The following IL21R variants were observed in gnomAD, a reference collection of about 807,000 sequenced individuals.
IL21R encodes interleukin 21 receptor, also known as interleukin-21 receptor.
A neutral mutation model predicts 41.3 loss-of-function variants in IL21R; 14 were observed. That is an observed-to-expected ratio of 0.34 (90% CI 0.22 to 0.53). The LOEUF is 0.53. IL21R is among the 20% of genes least tolerant of loss of function. IL21R has a pLI of 0.94. For synonymous variants in IL21R, 286 were observed against 287.6 expected (o/e 0.99, Z 0.05); for missense variants, 588 against 681.6 (o/e 0.86, Z 1.53).
rs1399026584 is a variant in IL21R at position 27,406,687 on chromosome 16, C to T, written c.-17+4069C>T. On this transcript the variant is annotated intron_variant, in intron 1 of 8. Transcript: ENST00000337929. ...CCCATAACCCACCCCTTGCCACTGGCGAAAAAAAAAAAGATGAAAAGCAAC... is the reference window on the plus strand; with the variant it reads ...CCCATAACCCACCCCTTGCCACTGGTGAAAAAAAAAAAGATGAAAAGCAAC... Among the ~76,000 whole-genome samples the T allele has an allele frequency of 4.0e-5, 6 of 149,660 alleles. No homozygotes were observed. The East Asian group carries it at 5.8e-4, about 15-fold the overall frequency.
chr16:27,442,140 G>A (rs192637994), intron 4 of IL21R, among the ~76,000 whole-genome samples: 7 of 152,118 alleles, frequency 4.6e-5, no homozygotes, highest in South Asian at 2.1e-4. Context: ...ATGTGTGTGC[G>A]TGTGCATTTG....
intron 4 of IL21R, among the ~76,000 whole-genome samples, chr16:27,442,353 CTTTTA>C (rs2087403643): frequency 1.3e-5 from 2 of 152,012 alleles, no homozygotes; most frequent in African/African-American, 4.8e-5. Flanking sequence ...ACTTTTAACT[CTTTTA>C]TTTATTTATT....
chr16:27,405,749 G>A (rs1338603438), intron 1 of IL21R, among the ~76,000 whole-genome samples: 1 of 151,110 alleles, frequency 6.6e-6, no homozygotes, highest in Non-Finnish European at 1.5e-5. Flanking sequence ...CCTGGCCCCA[G>A]GCCAAAGGGA....
chr16:27,434,153 C>G (rs928594884), intron 2 of IL21R, among the ~76,000 whole-genome samples, 194 bp from the exon 3 acceptor site: 1 of 145,870 alleles, frequency 6.9e-6, no homozygotes, highest in Admixed American at 6.8e-5. Flanking sequence ...CATTGGTGCT[C>G]AAACAAGGAA....
Position 27,451,323 on chromosome 16 carries a change from C to T in IL21R, c.*2040C>T. On this transcript the variant is annotated 3_prime_UTR_variant, in exon 9 of 9. Transcript: ENST00000337929. ...GGGGAACACAGATGGTTGGGGAAGG[C>T]CTGAGGCCAGATTGGGGGACTCTGG... 1 of 227,882 alleles carries T rather than the reference C, an allele frequency of 4.4e-6. No homozygotes were observed. The highest frequency in any genetic ancestry group is 8.7e-6 in the Non-Finnish European group (1 of 114,668). The allele number at this position is 227,882 out of a possible 1,614,324, so 14.1% of individuals were successfully genotyped here. A position where few individuals can be genotyped will look rare whatever the true frequency, so the allele number is the denominator to read the frequency against.
At chr16:27,430,846 C>CA (rs1314543019) in intron 2 of IL21R, among the ~76,000 whole-genome samples, 17 of 152,048 alleles carry the variant, frequency 1.1e-4, no homozygotes, top group Non-Finnish European at 1.9e-4. Flanking sequence ...AATAAACAAA[C>CA]AAAAAAATCG....
At chr16:27,445,823 G>A (rs1373053729) in intron 7 of IL21R, among the ~76,000 whole-genome samples, 184 bp from the exon 8 acceptor site, 2 of 152,180 alleles carry the variant, frequency 1.3e-5, no homozygotes, top group African/African-American at 4.8e-5. Flanking sequence ...AGGAGCCTGT[G>A]AGGGAGACTT....
intron 1 of IL21R, among the ~76,000 whole-genome samples, chr16:27,409,322 CT>C (rs2086793421): frequency 6.7e-6 from 1 of 148,406 alleles, no homozygotes; most frequent in African/African-American, 2.5e-5. Flanking sequence ...CTTTCAGTTT[CT>C]TTTCCATTCT....
At chr16:27,439,529 C>T (rs952820429) in intron 4 of IL21R, among the ~76,000 whole-genome samples, 22 of 151,796 alleles carry the variant, frequency 1.4e-4, no homozygotes, top group African/African-American at 4.8e-4. Flanking sequence ...TGTGCACACA[C>T]GCACATATAC....
intron 4 of IL21R, among the ~76,000 whole-genome samples, chr16:27,438,402 G>T (rs555758537): frequency 3.3e-5 from 5 of 152,278 alleles, no homozygotes; most frequent in Admixed American, 6.5e-5. Flanking sequence ...GGCCTGGTTG[G>T]TGGGAGCAGT....
chr16:27,438,588 C>T (rs1233931072), intron 4 of IL21R, among the ~76,000 whole-genome samples: 1 of 152,132 alleles, frequency 6.6e-6, no homozygotes, highest in Non-Finnish European at 1.5e-5. Context: ...AGGGCAGGGG[C>T]CAGGCACTGT....
At chr16:27,415,769 C>T (rs62032068) in intron 1 of IL21R, among the ~76,000 whole-genome samples, 42,480 of 152,024 alleles carry the variant, frequency 0.28, 6,594 homozygotes, top group East Asian at 0.62. Context: ...TAACGATCAC[C>T]CATTTTTCTT....
At chr16:27,414,106 C>G (rs2086859547) in intron 1 of IL21R, among the ~76,000 whole-genome samples, 1 of 150,512 alleles carries the variant, frequency 6.6e-6, no homozygotes, top group Admixed American at 6.6e-5. Context: ...TGTTTTTGCC[C>G]TGACCTCAGT....
rs56002407 is a variant in IL21R at position 27,449,133 on chromosome 16, G to A, written c.1467G>A (p.Thr489=). ...CCCTGGCCGGCCTGGATATGGACAC[G>A]TTTGACAGTGGCTTTGTGGGCTCTG... ...GSPLAGLDMD[T]FDSGFVGSDC... Residue 489 remains threonine (T), a synonymous_variant, in exon 9 of 9, where the codon ACG becomes ACA. Transcript: ENST00000337929. 2.0e-3 allele frequency: 3,197 copies of A among 1,613,440 alleles called. 3 individuals are homozygous for A. The highest frequency in any genetic ancestry group is 2.5e-3 in the Non-Finnish European group (2,911 of 1,180,020).
chr16:27,404,102 G>A lies in IL21R; in HGVS notation c.-17+1484G>A, dbSNP rs149222031. ...GGAAGCAGCATTGGATGGGGATGGC[G>A]GAGTATTCATTCCCACGAGGACAGG... On this transcript the variant is annotated intron_variant, in intron 1 of 8. Transcript: ENST00000337929. Among the ~76,000 whole-genome samples the A allele has an allele frequency of 2.0e-4, 31 of 152,286 alleles. 1 individual carries two copies. The East Asian group carries it at 4.1e-3, about 20-fold the overall frequency.
intron 8 of IL21R, 30 bp downstream of exon 8, chr16:27,446,118 C>G: frequency 1.3e-6 from 2 of 1,585,558 alleles, no homozygotes; most frequent in Non-Finnish European, 1.7e-6. Context: ...ATGAGCTCCT[C>G]GGAGCCCCTC....
Position 27,444,729 on chromosome 16 carries a change from A to C in IL21R, c.685+10A>C. 1 of 1,478,486 alleles carries C rather than the reference A, an allele frequency of 6.8e-7. No homozygotes were observed. Among genetic ancestry groups the C allele is most frequent in the Non-Finnish European group, 9.0e-7 (1 of 1,113,166 alleles). 91.6% of individuals were successfully genotyped at this position (1,478,486 alleles called of 1,614,324 possible). A position where few individuals can be genotyped will look rare whatever the true frequency, so the allele number is the denominator to read the frequency against. On this transcript the variant is annotated intron_variant, in intron 6 of 8. Coordinates refer to ENST00000337929, the MANE Select transcript of IL21R (RefSeq NM_181078.3). ...CAGACCCAGTCAGAGGGTAGGTGTG[A>C]AGCTGGGATGGACACCCCACTCCTG...
At chr16:27,440,286 A>AGAGAGAGAG (rs1567370101) in intron 4 of IL21R, among the ~76,000 whole-genome samples, 13 of 105,468 alleles carry the variant, frequency 1.2e-4, no homozygotes, top group African/African-American at 5.3e-4. Context: ...GAGAGCGAGC[A>AGAGAGAGAG]AGCGCGCGCC....
intron 1 of IL21R, among the ~76,000 whole-genome samples, chr16:27,423,836 C>T (rs1257397860): frequency 6.6e-6 from 1 of 152,070 alleles, no homozygotes; most frequent in Non-Finnish European, 1.5e-5. Flanking sequence ...ATTTCTTTAC[C>T]AGTTTACATA....
Sources: allele counts gnomAD v4.1 joint callset (sites outside exome capture counted in the v4.1 genomes callset), GRCh38; gene constraint gnomAD v4.1.1; transcripts MANE v1.5; gene names NCBI Gene and HGNC (gene_info 2026-07-23, HGNC 2026-07-21).